GALNTL6: variants seen among roughly 807,000 people sequenced by gnomAD.
GALNTL6 encodes the protein polypeptide N-acetylgalactosaminyltransferase-like 6.
GALNTL6 carries 46 observed loss-of-function variants against 73.7 expected under a neutral mutation model. That is an observed-to-expected ratio of 0.62 (90% CI 0.49 to 0.80). The LOEUF (loss-of-function observed/expected upper bound fraction) is 0.80. Ranked by LOEUF, GALNTL6 falls within the 30% of genes least tolerant of loss-of-function variation. The pLI, the probability that GALNTL6 is intolerant of heterozygous loss-of-function variation, is 0.00. For synonymous variants in GALNTL6, 259 were observed against 263.7 expected (o/e 0.98, Z 0.17); for missense variants, 604 against 755.0 (o/e 0.80, Z 2.34).
chr4:172,380,249 A>C, intron 5 of GALNTL6: 1 of 884,596 alleles, frequency 1.1e-6, no homozygotes, highest in Non-Finnish European at 1.9e-6. Context: ...CAACTTGTCT[A>C]CATTAGGATG....
At chr4:172,251,947 A>G (rs575272770) in intron 3 of GALNTL6, among the ~76,000 whole-genome samples, 2 of 152,280 alleles carry the variant, frequency 1.3e-5, no homozygotes, top group South Asian at 2.1e-4. Flanking sequence ...CTTTCGATTT[A>G]TAGAATTTAT....
chr4:171,842,742 A>G (rs1735270191), intron 2 of GALNTL6, among the ~76,000 whole-genome samples: 1 of 152,090 alleles, frequency 6.6e-6, no homozygotes, highest in African/African-American at 2.4e-5. Flanking sequence ...AGCCATTTAT[A>G]AGGAATCCAC....
intron 10 of GALNTL6, among the ~76,000 whole-genome samples, chr4:172,966,820 G>A (rs994810423): frequency 6.6e-6 from 1 of 152,202 alleles, no homozygotes; most frequent in Non-Finnish European, 1.5e-5. Context: ...GAAATGTAGT[G>A]AGCCGCTGTG....
chr4:172,621,029 G>C (rs1177382195), intron 5 of GALNTL6, among the ~76,000 whole-genome samples: 1 of 152,278 alleles, frequency 6.6e-6, no homozygotes, highest in African/African-American at 2.4e-5. Context: ...GTCAGGGGAA[G>C]CTCTTGTGAA....
At chr4:172,697,038 C>T (rs776688982) in intron 5 of GALNTL6, among the ~76,000 whole-genome samples, 3 of 152,042 alleles carry the variant, frequency 2.0e-5, no homozygotes, top group Non-Finnish European at 4.4e-5. Flanking sequence ...ATATACAAAA[C>T]AATAATTCTT....
chr4:172,416,224 A>G (rs983093674), intron 5 of GALNTL6, among the ~76,000 whole-genome samples: 4 of 152,200 alleles, frequency 2.6e-5, no homozygotes, highest in Non-Finnish European at 4.4e-5. Flanking sequence ...CCTTATTAGT[A>G]TAGGTCTCCT....
intron 5 of GALNTL6, among the ~76,000 whole-genome samples, chr4:172,594,565 A>T (rs1318963993): frequency 2.6e-5 from 4 of 152,160 alleles, no homozygotes; most frequent in Non-Finnish European, 5.9e-5. Flanking sequence ...TCATAGTTAT[A>T]TCTTGTTTTT....
chr4:172,947,024 A>G (rs1465973456), intron 9 of GALNTL6, among the ~76,000 whole-genome samples: 2 of 152,210 alleles, frequency 1.3e-5, no homozygotes, highest in Non-Finnish European at 2.9e-5. Flanking sequence ...GAGCAGAACC[A>G]TGGCAGGAAG....
At chr4:172,010,377 A>G (rs1740969584) in intron 2 of GALNTL6, among the ~76,000 whole-genome samples, 1 of 152,138 alleles carries the variant, frequency 6.6e-6, no homozygotes, top group Admixed American at 6.6e-5. Flanking sequence ...TAAACTGGTT[A>G]GAGAAAAACC....
At chr4:172,039,382 G>C (rs558475776) in intron 2 of GALNTL6, among the ~76,000 whole-genome samples, 48 of 152,264 alleles carry the variant, frequency 3.2e-4, no homozygotes, top group African/African-American at 1.1e-3. Flanking sequence ...AGTCTTAAAA[G>C]TATAATGAGA....
intron 3 of GALNTL6, among the ~76,000 whole-genome samples, chr4:172,247,091 C>CA (rs1171084776): frequency 6.6e-6 from 1 of 152,078 alleles, no homozygotes; most frequent in African/African-American, 2.4e-5. Context: ...TTCTGCTCTC[C>CA]ACCACATACA....
intron 5 of GALNTL6, among the ~76,000 whole-genome samples, chr4:172,386,212 T>C (rs1188361888): frequency 2.0e-5 from 3 of 152,182 alleles, no homozygotes; most frequent in African/African-American, 7.2e-5. Flanking sequence ...CCTATTGCCT[T>C]AGTCAATTCA....
At chr4:172,867,934 T>C (rs1744740945) in intron 7 of GALNTL6, among the ~76,000 whole-genome samples, 1 of 152,170 alleles carries the variant, frequency 6.6e-6, no homozygotes, top group African/African-American at 2.4e-5. Context: ...TAACATAAAT[T>C]GATGCACGGG....
At chr4:172,431,298 G>A (rs971928728) in intron 5 of GALNTL6, among the ~76,000 whole-genome samples, 3 of 152,056 alleles carry the variant, frequency 2.0e-5, no homozygotes, top group East Asian at 3.9e-4. Flanking sequence ...GATGTCAAAC[G>A]CAGTGTCAGG....
chr4:172,628,092 TA>T (rs1256232266), intron 5 of GALNTL6, among the ~76,000 whole-genome samples: 5 of 152,100 alleles, frequency 3.3e-5, no homozygotes, highest in Admixed American at 2.6e-4. Context: ...TATAGGAATA[TA>T]AAAAAACTGT....
At chr4:172,900,772 A>C (rs1158269408) in intron 8 of GALNTL6, among the ~76,000 whole-genome samples, 2 of 152,224 alleles carry the variant, frequency 1.3e-5, no homozygotes, top group Non-Finnish European at 2.9e-5. Context: ...TTAAGCTTAA[A>C]GTATTATTCA....
At chr4:172,604,414 A>G (rs1372126945) in intron 5 of GALNTL6, among the ~76,000 whole-genome samples, 1 of 152,184 alleles carries the variant, frequency 6.6e-6, no homozygotes, top group Non-Finnish European at 1.5e-5. Context: ...CTGTCCAGAG[A>G]GCAAATAGAC....
chr4:172,156,683 C>T (rs1218884784), intron 2 of GALNTL6, among the ~76,000 whole-genome samples: 3 of 150,676 alleles, frequency 2.0e-5, no homozygotes, highest in Non-Finnish European at 4.4e-5. Context: ...TTTGTATCTT[C>T]TAGGAAAACA....
At chr4:172,992,706 G>A (rs1033980152) in intron 10 of GALNTL6, among the ~76,000 whole-genome samples, 6 of 152,068 alleles carry the variant, frequency 3.9e-5, no homozygotes, top group Admixed American at 2.0e-4. Context: ...TACCTCAAAC[G>A]TCAGTCTTAG....
Sources: allele counts gnomAD v4.1 joint callset (sites outside exome capture counted in the v4.1 genomes callset), GRCh38; gene constraint gnomAD v4.1.1; transcripts MANE v1.5; gene names NCBI Gene and HGNC (gene_info 2026-07-23, HGNC 2026-07-21).